Variants in SORCS1 observed in about 807,000 individuals in gnomAD.
SORCS1 encodes VPS10 domain-containing receptor SorCS1.
SORCS1 carries 60 observed loss-of-function variants against 146.1 expected under a neutral mutation model. The observed-to-expected ratio is 0.41, with a 90% CI of 0.33 to 0.51. The LOEUF (loss-of-function observed/expected upper bound fraction) is 0.51. Ranked by LOEUF, SORCS1 falls within the 20% of genes least tolerant of loss-of-function variation. SORCS1 has a pLI of 0.21. For synonymous variants in SORCS1, 637 were observed against 584.0 expected (o/e 1.09, Z -1.31); for missense variants, 1,352 against 1,487.6 (o/e 0.91, Z 1.50).
Position 107,023,501 on chromosome 10 carries a change from C to G in SORCS1, c.559-66921G>C, listed in dbSNP as rs577607076. 1.0e-3 allele frequency among the ~76,000 whole-genome samples: 152 copies of G among 152,176 alleles called. 1 individual carries two copies. The South Asian group carries it at 0.031, about 31-fold the overall frequency. On this transcript the variant is annotated intron_variant, in intron 1 of 25. Transcript: ENST00000263054. ...AACATGTGCTAGAGGGCACAGGTAT[C>G]CAAAAAACACAAAGCAGAGCTTGTG...
At chr10:106,967,699 A>C (rs1955565095) in intron 1 of SORCS1, among the ~76,000 whole-genome samples, 1 of 152,158 alleles carries the variant, frequency 6.6e-6, no homozygotes, top group Admixed American at 6.5e-5. Flanking sequence ...TTAAAGAAAC[A>C]AGCGATAAAT....
At chr10:106,618,079 G>T in intron 21 of SORCS1, 70 bp downstream of exon 21, 1 of 1,591,544 alleles carries the variant, frequency 6.3e-7, no homozygotes. Flanking sequence ...GATGGTCTCT[G>T]GCATCATGGC....
chr10:107,047,447 T>G (rs1959617119), intron 1 of SORCS1, among the ~76,000 whole-genome samples: 1 of 152,232 alleles, frequency 6.6e-6, no homozygotes. Context: ...ATTTTGTTAC[T>G]GTCGCTTTAA....
intron 1 of SORCS1, among the ~76,000 whole-genome samples, chr10:107,096,790 G>A (rs562403681): frequency 6.6e-6 from 1 of 152,236 alleles, no homozygotes; most frequent in Admixed American, 6.5e-5. Flanking sequence ...GGGATTACAG[G>A]TGTGAGCCAC....
chr10:106,837,517 G>A (rs899876840), intron 2 of SORCS1, among the ~76,000 whole-genome samples: 2 of 150,922 alleles, frequency 1.3e-5, no homozygotes, highest in Non-Finnish European at 2.9e-5. Context: ...TTTCAGTTTT[G>A]TGTATTGGCT....
At chr10:106,829,490 G>C in intron 3 of SORCS1, 84 bp downstream of exon 3, 1 of 886,278 alleles carries the variant, frequency 1.1e-6, no homozygotes, top group Non-Finnish European at 1.8e-6. Flanking sequence ...AACTGTAATG[G>C]ATTTTTAGGT....
At chr10:107,171,767 G>C in the SORCS1 span, among the ~76,000 whole-genome samples, 2 of 152,014 alleles carry the variant, frequency 1.3e-5, no homozygotes, top group Non-Finnish European at 2.9e-5. Context: ...CAAAGTGCTG[G>C]AATTACAGGT....
intron 1 of SORCS1, among the ~76,000 whole-genome samples, chr10:106,965,673 C>T (rs1328851230): frequency 6.6e-6 from 1 of 152,150 alleles, no homozygotes; most frequent in Non-Finnish European, 1.5e-5. Context: ...GTCTAAGTCA[C>T]ATCACATATG....
In SORCS1 at chr10:106,657,218, CTGA is replaced by C. The variant is rs1240306488; in HGVS notation, c.2304-4668_2304-4666del. ...TGGAACCAACTTAAGTGCCTATCAG[CTGA>C]TGAGTGGATAAAGGAAATGTGGTGT... On this transcript the variant is annotated intron_variant, in intron 17 of 25. Transcript: ENST00000263054. Among the ~76,000 whole-genome samples the C allele has an allele frequency of 2.0e-5, 3 of 152,230 alleles. No homozygotes were observed. In the East Asian group the frequency reaches 5.8e-4, roughly 29 times the overall value.
intron 1 of SORCS1, among the ~76,000 whole-genome samples, chr10:106,962,219 G>A (rs889712735): frequency 2.0e-5 from 3 of 151,702 alleles, no homozygotes; most frequent in African/African-American, 7.3e-5. Flanking sequence ...GACCAACATG[G>A]AGAAACCCCA....
chr10:107,163,817 T>G, intron 1 of SORCS1, 152 bp downstream of exon 1: 1 of 828,636 alleles, frequency 1.2e-6, no homozygotes. Flanking sequence ...TAGTAGGTGA[T>G]GTTAACTCTT....
In SORCS1 at chr10:106,943,815, A is replaced by G. The variant is rs559514695; in HGVS notation, c.626+12698T>C. Among the ~76,000 whole-genome samples, 6 of 152,072 alleles carry G rather than the reference A, an allele frequency of 3.9e-5. No individual in the cohort carries two copies. In the South Asian group the frequency reaches 6.2e-4, roughly 16 times the overall value. On this transcript the variant is annotated intron_variant, in intron 2 of 25. Coordinates refer to ENST00000263054, the MANE Select transcript of SORCS1 (RefSeq NM_052918.5). The stretch of plus-strand genomic sequence containing the variant: ...ACAGAGTGAGACTCCATCTCAAAAA[A>G]TTAATTAATTAATTAATTGTCTCTT...
intron 1 of SORCS1, among the ~76,000 whole-genome samples, chr10:107,121,942 G>A (rs964436384): frequency 7.2e-5 from 11 of 152,112 alleles, no homozygotes; most frequent in African/African-American, 2.2e-4. Context: ...TAATACAAAT[G>A]AGGGAAAAGG....
chr10:107,093,001 T>C (rs2134322682), intron 1 of SORCS1, among the ~76,000 whole-genome samples: 1 of 151,982 alleles, frequency 6.6e-6, no homozygotes, highest in African/African-American at 2.4e-5. Flanking sequence ...TTTTATGAGC[T>C]AGGGAGCTTT....
chr10:106,632,550 G>A (rs1297401454), intron 18 of SORCS1, among the ~76,000 whole-genome samples: 1 of 152,132 alleles, frequency 6.6e-6, no homozygotes, highest in Non-Finnish European at 1.5e-5. Context: ...CCCTACCGGC[G>A]CTCTGGTCAT....
intron 2 of SORCS1, among the ~76,000 whole-genome samples, chr10:106,947,239 C>T (rs1419047823): frequency 6.6e-6 from 1 of 152,180 alleles, no homozygotes; most frequent in Non-Finnish European, 1.5e-5. Context: ...GGAATGTAAT[C>T]TCGAGTATCA....
chr10:107,008,921 C>G (rs112248576), intron 1 of SORCS1, among the ~76,000 whole-genome samples: 74 of 152,300 alleles, frequency 4.9e-4, no homozygotes, highest in African/African-American at 1.7e-3. Context: ...CACTTGAATC[C>G]GAGAGGTGGA....
chr10:106,805,278 C>T (rs4918256), intron 3 of SORCS1, among the ~76,000 whole-genome samples: 11 of 151,816 alleles, frequency 7.2e-5, no homozygotes, highest in Non-Finnish European at 1.3e-4. Flanking sequence ...AAGGATCCTA[C>T]GAAACTAACC....
At chr10:106,682,564 T>C (rs1852519182) in intron 10 of SORCS1, among the ~76,000 whole-genome samples, 1 of 152,212 alleles carries the variant, frequency 6.6e-6, no homozygotes, top group Admixed American at 6.5e-5. Flanking sequence ...TAATATAGTT[T>C]ATATTAGTAT....
Sources: gnomAD v4.1 joint callset for allele counts (sites outside exome capture counted in the v4.1 genomes callset) on GRCh38, gnomAD v4.1.1 for gene constraint, MANE v1.5 for transcripts, NCBI Gene and HGNC (gene_info 2026-07-23, HGNC 2026-07-21) for gene names.